CPLANE1: variants seen among roughly 807,000 people sequenced by gnomAD.
The protein encoded by CPLANE1 is ciliogenesis and planar polarity effector complex subunit 1.
CPLANE1 carries 263 observed loss-of-function variants against 362.5 expected under a neutral mutation model. The ratio of observed to expected loss-of-function variants is 0.73; its 90% CI spans 0.66 to 0.80. The LOEUF is 0.80. Among genes scored for constraint, CPLANE1 ranks in the 30% least tolerant of loss-of-function variants. CPLANE1 has a pLI of 0.00. For synonymous variants in CPLANE1, 1,212 were observed against 1,302.6 expected (o/e 0.93, Z 1.50); for missense variants, 3,461 against 3,793.4 (o/e 0.91, Z 2.30).
chr5:37,200,692 TATA>T (rs749175195), intron 19 of CPLANE1, among the ~76,000 whole-genome samples: 3 of 152,062 alleles, frequency 2.0e-5, no homozygotes, highest in Non-Finnish European at 2.9e-5. Flanking sequence ...ACCAGCTAAC[TATA>T]ATGTTATGAT....
At chr5:37,141,653 T>G (rs1769750159) in intron 44 of CPLANE1, 1 of 982,020 alleles carries the variant, frequency 1.0e-6, no homozygotes, top group South Asian at 4.7e-5. Context: ...AAAATCATTT[T>G]AATTGACCAT....
downstream of CPLANE1, among the ~76,000 whole-genome samples, chr5:37,102,156 CT>C (rs1222495069): frequency 6.6e-6 from 1 of 151,566 alleles, no homozygotes; most frequent in East Asian, 1.9e-4. Flanking sequence ...GCTCTTGGTT[CT>C]CTAGTTTTTT....
At chr5:37,211,204 C>T in intron 16 of CPLANE1, 1 of 1,426,916 alleles carries the variant, frequency 7.0e-7, no homozygotes. Flanking sequence ...TATCCAAATG[C>T]AGGGATGGAG....
intron 29 of CPLANE1, among the ~76,000 whole-genome samples, chr5:37,178,442 T>C (rs1485752669): frequency 6.6e-6 from 1 of 151,178 alleles, no homozygotes; most frequent in African/African-American, 2.4e-5. Flanking sequence ...TACAAAAAAA[T>C]GTTTTTTTTT....
intron 46 of CPLANE1, among the ~76,000 whole-genome samples, chr5:37,126,452 T>A (rs543364813): frequency 6.6e-6 from 1 of 152,252 alleles, no homozygotes; most frequent in South Asian, 2.1e-4. Context: ...GCTGAAACAT[T>A]CTTAAAACTA....
intron 46 of CPLANE1, among the ~76,000 whole-genome samples, chr5:37,127,352 T>G (rs2150169211): frequency 6.6e-6 from 1 of 152,218 alleles, no homozygotes; most frequent in Middle Eastern, 3.4e-3. Flanking sequence ...GCATCCTCCC[T>G]TTTTCCCTTT....
chr5:37,078,838 T>G, the CPLANE1 span, among the ~76,000 whole-genome samples: 2 of 152,224 alleles, frequency 1.3e-5, no homozygotes, highest in Non-Finnish European at 2.9e-5. Flanking sequence ...CATAGGTTTG[T>G]TGGCCATATG....
intron 16 of CPLANE1, chr5:37,211,577 A>G (rs1320832264): frequency 2.0e-6 from 2 of 1,017,684 alleles, no homozygotes; most frequent in African/African-American, 3.2e-5. Context: ...TCTCCTCCAC[A>G]CCCCTTCCAA....
At chr5:37,161,104 T>G (rs562679469) in intron 38 of CPLANE1, among the ~76,000 whole-genome samples, 2 of 152,210 alleles carry the variant, frequency 1.3e-5, no homozygotes, top group African/African-American at 2.4e-5. Flanking sequence ...AACTGGAAAC[T>G]GTCTAATGTA....
At chr5:37,229,324 C>T (rs112241945) in intron 9 of CPLANE1, among the ~76,000 whole-genome samples, 2,004 of 151,424 alleles carry the variant, frequency 0.013, 45 homozygotes, top group African/African-American at 0.046. Flanking sequence ...GAAGCCGAGG[C>T]GGGAGGATCA....
intron 8 of CPLANE1, 60 bp downstream of exon 8, chr5:37,238,797 C>A: frequency 1.1e-6 from 1 of 930,032 alleles, no homozygotes; most frequent in Non-Finnish European, 1.6e-6. Flanking sequence ...CCACACCTGA[C>A]AGAGACCCAT....
the CPLANE1 span, among the ~76,000 whole-genome samples, chr5:37,082,257 A>G: frequency 6.6e-6 from 1 of 152,342 alleles, no homozygotes; most frequent in South Asian, 2.1e-4. Flanking sequence ...AAGCAAAAAT[A>G]CCATTCAAAA....
In CPLANE1 at chr5:37,206,352, A is replaced by T; in HGVS notation, c.2994T>A (p.Asn998Lys). 6.4e-7 allele frequency: 1 copy of T among 1,551,686 alleles called. No individual in the cohort carries two copies. Among genetic ancestry groups the T allele is most frequent in the South Asian group, 1.2e-5 (1 of 84,062 alleles). ...CAAGTGCATATTCAACTGTCCACAC[A>T]TTAGAGAGATTCTGATCTCTAACAA... ...ASVVRDQNLS[N>K]VWTVEYALEL... The change falls in exon 17 of 53, where the codon AAT (asparagine) becomes AAA (lysine). Residue 998 changes from asparagine to lysine, a missense_variant. Physicochemically the swap from Asn to Lys is moderately conservative, Grantham distance 94. This residue lies in a region of CPLANE1 where 3,380 missense variants were observed against 3,666.1 expected (regional missense o/e 0.92). Transcript: ENST00000651892.
chr5:37,175,242 A>C (rs971999721), intron 31 of CPLANE1, among the ~76,000 whole-genome samples: 3 of 152,106 alleles, frequency 2.0e-5, no homozygotes, highest in Non-Finnish European at 2.9e-5. Flanking sequence ...ATAGGGGTAA[A>C]CTGAGCTGTA....
At chr5:37,167,594 T>C (rs1200181587) in intron 34 of CPLANE1, among the ~76,000 whole-genome samples, 1 of 152,116 alleles carries the variant, frequency 6.6e-6, no homozygotes, top group African/African-American at 2.4e-5. Flanking sequence ...CTGACCAACA[T>C]GGTGAAACCC....
rs1018218375 is a variant in CPLANE1, at chr5:37,244,692, A to G, written c.338-85T>C. 9 of 644,170 alleles carry G rather than the reference A, an allele frequency of 1.4e-5. No homozygotes were observed. In the African/African-American group the frequency reaches 1.5e-4, roughly 11 times the overall value. 39.9% of individuals were successfully genotyped at this position (644,170 alleles called of 1,614,324 possible). A position where few individuals can be genotyped will look rare whatever the true frequency, so the allele number is the denominator to read the frequency against. ...TACATAATTTATGTATTCTTACAAT[A>G]AAAAAAAAACAAATAATGTTACCAT... On this transcript the variant is annotated intron_variant, in intron 4 of 52. Coordinates refer to ENST00000651892, the MANE Select transcript of CPLANE1 (RefSeq NM_001384732.1).
the CPLANE1 span, among the ~76,000 whole-genome samples, chr5:37,079,915 CATT>C: frequency 6.6e-6 from 1 of 152,184 alleles, no homozygotes; most frequent in Non-Finnish European, 1.5e-5. Context: ...AATGGCTTAT[CATT>C]AGTTTATCAA....
chr5:37,121,561 T>C (rs1013415541), intron 49 of CPLANE1, 56 bp downstream of exon 49: 1 of 1,530,308 alleles, frequency 6.5e-7, no homozygotes, highest in Admixed American at 1.7e-5. Context: ...GTGCTACATT[T>C]CTTCTTATCA....
chr5:37,180,592 T>C (rs1322812183), intron 27 of CPLANE1, among the ~76,000 whole-genome samples: 1 of 152,206 alleles, frequency 6.6e-6, no homozygotes, highest in Non-Finnish European at 1.5e-5. Flanking sequence ...AAGGATTAGT[T>C]CAACTTCTGA....
Sources: gnomAD v4.1 joint callset for allele counts (sites outside exome capture counted in the v4.1 genomes callset) on GRCh38, gnomAD v4.1.1 for gene constraint, gnomAD v4.1.1 regional missense constraint, MANE v1.5 for transcripts, NCBI Gene and HGNC (gene_info 2026-07-23, HGNC 2026-07-21) for gene names.